HIVEP3: variants seen among roughly 807,000 people sequenced by gnomAD.
HIVEP3 encodes the protein HIVEP zinc finger 3.
Under a neutral mutation model 152.8 loss-of-function variants are expected in HIVEP3, and 49 were observed. The ratio of observed to expected loss-of-function variants is 0.32; its 90% CI spans 0.26 to 0.41. The LOEUF (loss-of-function observed/expected upper bound fraction) is 0.41, where lower values mean the gene tolerates loss of function less well. Among genes scored for constraint, HIVEP3 ranks in the 10% least tolerant of loss-of-function variants. The pLI is 1.00. For missense variants in HIVEP3, 2,790 were observed against 3,103.3 expected, an observed-to-expected ratio of 0.90 and a Z score of 2.40; for synonymous variants, 1,269 against 1,289.0, an observed-to-expected ratio of 0.98 and a Z score of 0.33.
intron 1 of HIVEP3, among the ~76,000 whole-genome samples, chr1:41,727,678 G>T (rs535866287): frequency 6.6e-6 from 1 of 152,324 alleles, no homozygotes; most frequent in South Asian, 2.1e-4. Flanking sequence ...CTGACCAACT[G>T]CTCCGTCACT....
intron 1 of HIVEP3, among the ~76,000 whole-genome samples, chr1:41,736,715 G>T (rs1476993661): frequency 6.6e-6 from 1 of 152,246 alleles, no homozygotes; most frequent in East Asian, 1.9e-4. Context: ...TGTACTGGAT[G>T]CCTGGGGATT....
intron 1 of HIVEP3, among the ~76,000 whole-genome samples, chr1:42,013,610 T>G (rs1645505415): frequency 6.6e-6 from 1 of 152,232 alleles, no homozygotes. Context: ...TTTTAAGGGC[T>G]GGGGAAGGAA....
intron 2 of HIVEP3, among the ~76,000 whole-genome samples, chr1:41,633,851 A>G (rs4083592): frequency 0.77 from 116,395 of 152,110 alleles, 45,489 homozygotes; most frequent in East Asian, 1. Context: ...TGGAATCAGC[A>G]CCCTCCCTTC....
intron 1 of HIVEP3, among the ~76,000 whole-genome samples, chr1:41,806,977 G>A (rs565183345): frequency 1.3e-5 from 2 of 151,934 alleles, no homozygotes; most frequent in South Asian, 2.1e-4. Flanking sequence ...CTGGGTCATC[G>A]AGTAAGCAGT....
intron 1 of HIVEP3, among the ~76,000 whole-genome samples, chr1:41,828,067 CCA>C (rs1361877468): frequency 2.0e-5 from 3 of 152,202 alleles, no homozygotes; most frequent in Non-Finnish European, 4.4e-5. Context: ...AATTTCCCAA[CCA>C]GTGAAGAACA....
chr1:41,736,092 C>G (rs1049735485), intron 1 of HIVEP3, among the ~76,000 whole-genome samples: 6 of 152,192 alleles, frequency 3.9e-5, no homozygotes, highest in Admixed American at 2.6e-4. Flanking sequence ...AGTGCCCGCC[C>G]AGGGTGTCTG....
At chr1:41,756,223 G>A (rs180732589) in intron 1 of HIVEP3, among the ~76,000 whole-genome samples, 6 of 152,324 alleles carry the variant, frequency 3.9e-5, no homozygotes, top group African/African-American at 1.4e-4. Context: ...GTCATCTAAT[G>A]TATGATTATA....
chr1:41,864,990 G>A (rs761319832), intron 1 of HIVEP3, among the ~76,000 whole-genome samples: 3 of 152,232 alleles, frequency 2.0e-5, no homozygotes, highest in Non-Finnish European at 4.4e-5. Context: ...CTTCCTGCCA[G>A]TTTTTGAGGC....
chr1:41,673,156 G>T (rs915842453), intron 2 of HIVEP3, among the ~76,000 whole-genome samples: 4 of 152,128 alleles, frequency 2.6e-5, no homozygotes, highest in Non-Finnish European at 4.4e-5. Flanking sequence ...TCCCTCCCTA[G>T]GGGCCCAGCC....
intron 1 of HIVEP3, among the ~76,000 whole-genome samples, chr1:42,023,411 T>G (rs1419621012): frequency 6.6e-6 from 1 of 152,230 alleles, no homozygotes; most frequent in African/African-American, 2.4e-5. Context: ...ATCTTCCATT[T>G]TTTTGCTTTC....
intron 1 of HIVEP3, among the ~76,000 whole-genome samples, chr1:41,951,506 A>G (rs1645107132): frequency 6.6e-6 from 1 of 152,210 alleles, no homozygotes; most frequent in African/African-American, 2.4e-5. Flanking sequence ...AACAGTGTTC[A>G]TTTTATGTAA....
At chr1:41,645,122 G>C (rs114917849) in intron 2 of HIVEP3, among the ~76,000 whole-genome samples, 2,003 of 152,216 alleles carry the variant, frequency 0.013, 45 homozygotes, top group African/African-American at 0.045. Flanking sequence ...CCTTGGTTTT[G>C]AACACTCCAG....
chr1:41,594,856 C>T (rs1013935573), intron 3 of HIVEP3, among the ~76,000 whole-genome samples: 1 of 152,132 alleles, frequency 6.6e-6, no homozygotes, highest in South Asian at 2.1e-4. Flanking sequence ...CTCCTTTCCT[C>T]TCTTCTTTCC....
At chr1:41,941,801 C>G (rs1288676996) in intron 1 of HIVEP3, among the ~76,000 whole-genome samples, 1 of 152,176 alleles carries the variant, frequency 6.6e-6, no homozygotes, top group East Asian at 1.9e-4. Context: ...TGAGAAAACA[C>G]CGTTTCTAAG....
At chr1:41,953,077 A>C (rs371617952) in intron 1 of HIVEP3, among the ~76,000 whole-genome samples, 1 of 152,142 alleles carries the variant, frequency 6.6e-6, no homozygotes, top group East Asian at 1.9e-4. Context: ...TGGGCTGTGG[A>C]TACTGGATCT....
intron 5 of HIVEP3, among the ~76,000 whole-genome samples, chr1:41,561,494 C>T (rs1032241149): frequency 1.3e-4 from 20 of 151,628 alleles, no homozygotes; most frequent in African/African-American, 4.8e-4. Context: ...TCAGACACTC[C>T]ATCTGTCCAA....
At chr1:42,023,251 C>T (rs1380739359) in intron 1 of HIVEP3, among the ~76,000 whole-genome samples, 1 of 152,174 alleles carries the variant, frequency 6.6e-6, no homozygotes. Flanking sequence ...AAGTGATCTG[C>T]CTGCCTCTTC....
intron 5 of HIVEP3, among the ~76,000 whole-genome samples, chr1:41,526,895 TAA>T (rs1161556249): frequency 1.8e-5 from 2 of 111,950 alleles, no homozygotes; most frequent in African/African-American, 7.2e-5. Flanking sequence ...ACTCTCACAC[TAA>T]AACATGCTCA....
At position 41,579,841 on chromosome 1, in the gene HIVEP3, A is replaced by C; in HGVS notation, c.4957T>G (p.Ser1653Ala). The change falls in exon 4 of 9, where the codon TCT (serine) becomes GCT (alanine). Residue 1653 changes from serine to alanine, a missense_variant. Around this residue, in one of 9 missense-constraint regions of HIVEP3, gnomAD observed 1,078 missense variants for 1,165.3 expected, o/e 0.93. Coordinates refer to ENST00000372583, the MANE Select transcript of HIVEP3 (RefSeq NM_024503.5). ...STKAALSLLRSKQKVSKETYT... is the reference protein window; with the variant it reads ...STKAALSLLRAKQKVSKETYT... ...GTCTCTTTGCTCACTTTCTGCTTAG[A>C]CCTCAGGAGGGACAAAGCAGCTTTA... The C allele has an allele frequency of 6.2e-7, 1 of 1,614,056 alleles. No homozygotes were observed. The highest frequency in any genetic ancestry group is 8.5e-7 in the Non-Finnish European group (1 of 1,179,958).
Sources: allele counts gnomAD v4.1 joint callset (sites outside exome capture counted in the v4.1 genomes callset), GRCh38; gene constraint gnomAD v4.1.1; regional missense constraint gnomAD v4.1.1; transcripts MANE v1.5; gene names NCBI Gene and HGNC (gene_info 2026-07-23, HGNC 2026-07-21).